Variants in FARP1 observed in about 807,000 individuals in gnomAD.
The protein encoded by FARP1 is FERM, ARH/RhoGEF and pleckstrin domain protein 1.
In FARP1, 52 loss-of-function variants were observed where a neutral mutation model predicts 128.8. The observed-to-expected ratio is 0.40, with a 90% CI of 0.32 to 0.51. The LOEUF (loss-of-function observed/expected upper bound fraction) is 0.51, where lower values mean the gene tolerates loss of function less well. FARP1 is among the 20% of genes least tolerant of loss of function. FARP1 has a pLI of 0.45. For missense variants in FARP1, 1,333 were observed against 1,367.9 expected, an observed-to-expected ratio of 0.97 and a Z score of 0.40; for synonymous variants, 580 against 551.8, an observed-to-expected ratio of 1.05 and a Z score of -0.72.
intron 2 of FARP1, among the ~76,000 whole-genome samples, chr13:98,268,400 T>C (rs897873507): frequency 2.0e-5 from 3 of 152,130 alleles, no homozygotes; most frequent in Non-Finnish European, 4.4e-5. Flanking sequence ...CAGGAAGAGA[T>C]ACTGGCCAGC....
intron 18 of FARP1, 78 bp downstream of exon 18, chr13:98,431,358 G>A (rs1430776612): frequency 2.0e-6 from 2 of 1,009,574 alleles, no homozygotes; most frequent in South Asian, 1.6e-5. Flanking sequence ...GCCCAGCCAG[G>A]GAGGGGCTCC....
rs556135004 is a variant in FARP1, at chr13:98,276,389, A to G, written c.171+62976A>G. ...CAATATGGTCTACTCTGCCCTGTTT[A>G]TGGAGTTGTTGATTCATAATATTAT... On this transcript the variant is annotated intron_variant, in intron 2 of 26. Coordinates refer to ENST00000319562, the MANE Select transcript of FARP1 (RefSeq NM_005766.4). Among the ~76,000 whole-genome samples, 22 of 152,328 alleles carry G rather than the reference A, an allele frequency of 1.4e-4. No homozygotes were observed. The South Asian group carries it at 4.1e-3, about 29-fold the overall frequency.
intron 2 of FARP1, among the ~76,000 whole-genome samples, chr13:98,334,798 T>G (rs1259084674): frequency 1.3e-5 from 2 of 152,204 alleles, no homozygotes; most frequent in Non-Finnish European, 2.9e-5. Flanking sequence ...CTCAGCCATG[T>G]GAGGACACAA....
chr13:98,208,973 C>T (rs1387997593), intron 1 of FARP1, among the ~76,000 whole-genome samples: 2 of 152,090 alleles, frequency 1.3e-5, no homozygotes, highest in East Asian at 1.9e-4. Flanking sequence ...GATGGTTTTC[C>T]TGAAGAGAAG....
intron 18 of FARP1, chr13:98,433,979 G>C (rs774798440): frequency 6.6e-6 from 1 of 152,394 alleles, no homozygotes; most frequent in Non-Finnish European, 1.5e-5. Context: ...GTCGCCCATG[G>C]GGGTGAGAGC....
chr13:98,390,105 C>T lies in FARP1; in HGVS notation c.1004C>T (p.Ser335Leu). The stretch of plus-strand genomic sequence containing the variant: ...AAGCCCGTCCTCTTTAGCCGGGGGT[C>T]ATCATTTCGGTTCAGGTGAGGTCGC... ...KPKPVLFSRG[S>L]SFRFSGRTQK... is the part of the protein sequence containing the mutation. The change falls in exon 10 of 27, where the codon TCA becomes TTA. Residue 335 changes from serine to leucine, a missense_variant. Around this residue, in one of 2 missense-constraint regions of FARP1, gnomAD observed 1,009 missense variants for 969.8 expected, o/e 1.04. Transcript: ENST00000319562. 1 of 1,613,706 alleles carries T rather than the reference C, an allele frequency of 6.2e-7. No homozygotes were observed. The highest frequency in any genetic ancestry group is 8.5e-7 in the Non-Finnish European group (1 of 1,179,906).
chr13:98,188,570 A>G (rs1264426537), intron 1 of FARP1, among the ~76,000 whole-genome samples: 1 of 152,062 alleles, frequency 6.6e-6, no homozygotes, highest in East Asian at 1.9e-4. Context: ...CAAAAGAAAA[A>G]AAAAGGAGAA....
chr13:98,363,483 G>A (rs1320313142), intron 3 of FARP1, among the ~76,000 whole-genome samples: 2 of 152,126 alleles, frequency 1.3e-5, no homozygotes, highest in African/African-American at 2.4e-5. Flanking sequence ...GCCCAGCTGG[G>A]GGTACCCACC....
chr13:98,398,052 G>A (rs1248105992), intron 13 of FARP1: 4 of 152,148 alleles, frequency 2.6e-5, no homozygotes, highest in Admixed American at 2.0e-4. Context: ...CCGATCACAA[G>A]GGAAGCACCA....
chr13:98,341,596 T>A (rs1280197567), intron 2 of FARP1, among the ~76,000 whole-genome samples: 2 of 152,152 alleles, frequency 1.3e-5, no homozygotes, highest in Admixed American at 6.6e-5. Flanking sequence ...CGTGCCACTG[T>A]ACTCCAGCCT....
intron 1 of FARP1, among the ~76,000 whole-genome samples, chr13:98,146,584 C>A (rs896001042): frequency 6.6e-6 from 1 of 152,294 alleles, no homozygotes; most frequent in African/African-American, 2.4e-5. Context: ...CCCTTTGTAA[C>A]TGGCCTTGCT....
intron 3 of FARP1, among the ~76,000 whole-genome samples, chr13:98,357,970 C>T (rs1460486472): frequency 6.6e-6 from 1 of 152,088 alleles, no homozygotes; most frequent in Admixed American, 6.6e-5. Context: ...AGCACTCTGC[C>T]AAGGCCCCAG....
chr13:98,444,262 G>A (rs921357094), intron 24 of FARP1, among the ~76,000 whole-genome samples: 17 of 152,250 alleles, frequency 1.1e-4, no homozygotes, highest in Admixed American at 5.2e-4. Flanking sequence ...TGACTCGATC[G>A]CATCTGCAGA....
rs776998856 is a variant in FARP1, at chr13:98,390,137, G to A, written c.1019+17G>A. On this transcript the variant is annotated intron_variant, in intron 10 of 26. Transcript: ENST00000319562. Reference sequence around the variant, plus strand: ...TCGGTTCAGGTGAGGTCGCCACTTTGTGCCTCTGTTTGCTGGGTGCACGTT... The same window carrying A: ...TCGGTTCAGGTGAGGTCGCCACTTTATGCCTCTGTTTGCTGGGTGCACGTT... 15 of 1,609,960 alleles carry A rather than the reference G, an allele frequency of 9.3e-6. No individual in the cohort carries two copies. The South Asian group carries it at 1.4e-4, about 15-fold the overall frequency.
chr13:98,270,493 G>C (rs182078280), intron 2 of FARP1, among the ~76,000 whole-genome samples: 14 of 152,162 alleles, frequency 9.2e-5, no homozygotes, highest in Non-Finnish European at 1.5e-4. Flanking sequence ...ATGCCTCAGC[G>C]TATCTTCCTT....
chr13:98,340,080 GT>G (rs35285197), intron 2 of FARP1, among the ~76,000 whole-genome samples: 5,886 of 146,720 alleles, frequency 0.04, 380 homozygotes, highest in African/African-American at 0.14. Context: ...CTGTATATTA[GT>G]TTTTTTTTTT....
chr13:98,144,202 CTGTGTGTGTG>C (rs368648027), intron 1 of FARP1, among the ~76,000 whole-genome samples: 2 of 146,326 alleles, frequency 1.4e-5, no homozygotes, highest in South Asian at 2.1e-4. Context: ...CCCGGAGACT[CTGTGTGTGTG>C]TGTGTGTGTG....
intron 2 of FARP1, among the ~76,000 whole-genome samples, chr13:98,316,238 T>C (rs1886713947): frequency 6.6e-6 from 1 of 152,142 alleles, no homozygotes; most frequent in Non-Finnish European, 1.5e-5. Context: ...TACTCTCAGA[T>C]GTGGACTCCC....
At chr13:98,406,064 G>A (rs772689827) in intron 13 of FARP1, 2 of 152,188 alleles carry the variant, frequency 1.3e-5, no homozygotes, top group African/African-American at 2.4e-5. Context: ...ATAACTCTGT[G>A]ACCTTGGACA....
Sources: gnomAD v4.1 joint callset for allele counts (sites outside exome capture counted in the v4.1 genomes callset) on GRCh38, gnomAD v4.1.1 for gene constraint, gnomAD v4.1.1 regional missense constraint, MANE v1.5 for transcripts, NCBI Gene and HGNC (gene_info 2026-07-23, HGNC 2026-07-21) for gene names.